The following CCDC171 variants were observed in gnomAD, a reference collection of about 807,000 sequenced individuals.
CCDC171 encodes the protein coiled-coil domain containing 171, also known as coiled-coil domain-containing protein 171.
In CCDC171, 177 loss-of-function variants were observed where a neutral mutation model predicts 168.2. The ratio of observed to expected loss-of-function variants is 1.05; its 90% CI spans 0.93 to 1.19. The LOEUF is 1.19. Among genes scored for constraint, CCDC171 ranks in the 50% most tolerant of loss-of-function variants. CCDC171 has a pLI of 0.00. For missense variants in CCDC171, 1,991 were observed against 1,539.0 expected, an observed-to-expected ratio of 1.29 and a Z score of -4.91; for synonymous variants, 687 against 540.8, an observed-to-expected ratio of 1.27 and a Z score of -3.75.
At chr9:15,939,210 T>TATATGGTATTA (rs1325787397) in intron 25 of CCDC171, among the ~76,000 whole-genome samples, 1 of 151,696 alleles carries the variant, frequency 6.6e-6, no homozygotes, top group Non-Finnish European at 1.5e-5. Context: ...ATAAATATTC[T>TATATGGTATTA]CACTATTTCA....
intron 25 of CCDC171, among the ~76,000 whole-genome samples, chr9:15,965,678 G>C (rs1830721107): frequency 6.9e-6 from 1 of 144,376 alleles, no homozygotes; most frequent in South Asian, 2.4e-4. Context: ...TTTGAGAAGA[G>C]TGAAAAAGAG....
intron 21 of CCDC171, among the ~76,000 whole-genome samples, chr9:15,822,668 TAAA>T (rs1256030766): frequency 6.6e-6 from 1 of 152,086 alleles, no homozygotes; most frequent in Non-Finnish European, 1.5e-5. Context: ...TGGCGATCAT[TAAA>T]AAGTCAGGAA....
At chr9:15,733,121 G>C (rs1422596896) in intron 16 of CCDC171, among the ~76,000 whole-genome samples, 1 of 151,976 alleles carries the variant, frequency 6.6e-6, no homozygotes, top group Non-Finnish European at 1.5e-5. Context: ...TTTTTGGTGA[G>C]TTATCTGTTC....
chr9:15,558,925 A>G (rs2039039474), intron 1 of CCDC171, among the ~76,000 whole-genome samples: 1 of 152,016 alleles, frequency 6.6e-6, no homozygotes, highest in Non-Finnish European at 1.5e-5. Context: ...AGATTCTGGT[A>G]TGTTGTGTCT....
chr9:15,622,449 T>C (rs2044582721), intron 6 of CCDC171, among the ~76,000 whole-genome samples: 1 of 152,184 alleles, frequency 6.6e-6, no homozygotes, highest in Non-Finnish European at 1.5e-5. Flanking sequence ...TCTAATGGTA[T>C]CTTTTGAGTG....
chr9:16,083,297 A>C, the CCDC171 span, among the ~76,000 whole-genome samples: 1 of 152,166 alleles, frequency 6.6e-6, no homozygotes, highest in Non-Finnish European at 1.5e-5. Flanking sequence ...GTTGAACCAC[A>C]CAACTCAGGG....
In CCDC171 at chr9:15,564,037, G is replaced by C; in HGVS notation, c.-52G>C. 1 of 1,434,342 alleles carries C rather than the reference G, an allele frequency of 7.0e-7. No individual in the cohort carries two copies. The highest frequency in any genetic ancestry group is 1.2e-5 in the South Asian group (1 of 84,230). 88.9% of individuals were successfully genotyped at this position (1,434,342 alleles called of 1,614,324 possible). On this transcript the variant is annotated 5_prime_UTR_variant, in exon 2 of 26. Transcript: ENST00000380701. ...TTGGGCAATTTTAATCATCAAGAAAGAAATATGTCATTAAGAAATAGCAGG... is the reference window on the plus strand; with the variant it reads ...TTGGGCAATTTTAATCATCAAGAAACAAATATGTCATTAAGAAATAGCAGG...
chr9:16,066,243 C>T (rs1305002582), downstream of CCDC171, among the ~76,000 whole-genome samples: 2 of 152,154 alleles, frequency 1.3e-5, no homozygotes, highest in Non-Finnish European at 2.9e-5. Flanking sequence ...GTGAGCATTG[C>T]CCCTACCTGT....
chr9:15,616,691 T>C (rs545704828), intron 6 of CCDC171, among the ~76,000 whole-genome samples: 2 of 152,144 alleles, frequency 1.3e-5, no homozygotes, highest in African/African-American at 2.4e-5. Context: ...ACTGGGGCTA[T>C]TGAGTGATTG....
At position 15,876,417 on chromosome 9, in the gene CCDC171, G is replaced by A. The variant is rs150347315; in HGVS notation, c.3600+1754G>A. Reference sequence around the variant, plus strand: ...CTTATTTAATTCTCACAATGAGCCTGTCAAATAAATGGCACTATCTCCATT... The same window carrying A: ...CTTATTTAATTCTCACAATGAGCCTATCAAATAAATGGCACTATCTCCATT... On this transcript the variant is annotated intron_variant, in intron 24 of 25. Coordinates refer to ENST00000380701, the MANE Select transcript of CCDC171 (RefSeq NM_173550.4). Among the ~76,000 whole-genome samples the A allele has an allele frequency of 7.9e-5, 12 of 152,162 alleles. No individual in the cohort carries two copies. In the East Asian group the frequency reaches 2.3e-3, roughly 29 times the overall value.
At chr9:16,040,312 G>A (rs1222306022), upstream of CCDC171, among the ~76,000 whole-genome samples, 3 of 152,188 alleles carry the variant, frequency 2.0e-5, no homozygotes, top group Admixed American at 6.5e-5. Context: ...CCCCAGTGAA[G>A]GGATTCTGCA....
At chr9:15,638,569 T>A (rs2046368592) in intron 7 of CCDC171, among the ~76,000 whole-genome samples, 2 of 152,210 alleles carry the variant, frequency 1.3e-5, no homozygotes, top group African/African-American at 4.8e-5. Flanking sequence ...AATAGACATT[T>A]AGCCTAATGA....
chr9:16,083,914 G>A, the CCDC171 span, among the ~76,000 whole-genome samples: 1 of 152,110 alleles, frequency 6.6e-6, no homozygotes, highest in Non-Finnish European at 1.5e-5. Context: ...CCTCCCTTTG[G>A]TGATCTCACC....
the CCDC171 span, among the ~76,000 whole-genome samples, chr9:16,085,409 T>C: frequency 1.3e-5 from 2 of 152,212 alleles, no homozygotes; most frequent in African/African-American, 4.8e-5. Context: ...CAAATGCCTG[T>C]CCTGAAGTCA....
chr9:15,860,894 G>C (rs1338480712), intron 23 of CCDC171, among the ~76,000 whole-genome samples: 1 of 147,468 alleles, frequency 6.8e-6, no homozygotes, highest in African/African-American at 2.6e-5. Flanking sequence ...CTTCAGTTCT[G>C]CCAATGTTTG....
At chr9:15,735,946 G>A (rs562472123) in intron 16 of CCDC171, among the ~76,000 whole-genome samples, 2 of 152,234 alleles carry the variant, frequency 1.3e-5, no homozygotes, top group East Asian at 3.9e-4. Context: ...TTGGCGTGGT[G>A]CTTGATATAA....
At chr9:15,628,956 A>C (rs200673010) in intron 7 of CCDC171, among the ~76,000 whole-genome samples, 1 of 152,198 alleles carries the variant, frequency 6.6e-6, no homozygotes, top group Non-Finnish European at 1.5e-5. Flanking sequence ...TCCAGCAGAC[A>C]TGCAGCTGAG....
chr9:15,779,042 C>G lies in CCDC171; in HGVS notation c.2973C>G (p.Arg991=). Residue 991 remains arginine, a synonymous_variant, in exon 20 of 26, where the codon CGC becomes CGG. Transcript: ENST00000380701. The part of the protein sequence containing the change: ...QRLHAAEVER[R]SLRLEVTEFK... ...TGCATGCTGCAGAAGTGGAGCGCCG[C>G]TCACTACGCTTAGAGGTCACAGAAT... 6.2e-7 allele frequency: 1 copy of G among 1,604,050 alleles called. No individual in the cohort carries two copies. The highest frequency in any genetic ancestry group is 8.5e-7 in the Non-Finnish European group (1 of 1,175,584).
rs529539779 is a variant in CCDC171 at position 15,738,867 on chromosome 9, A to G, written c.2050-5406A>G. Among the ~76,000 whole-genome samples the G allele has an allele frequency of 4.0e-5, 6 of 151,880 alleles. No individual in the cohort carries two copies. The South Asian group carries it at 1.3e-3, about 32-fold the overall frequency. ...GCCTTTACACTCTAAAGCTTTTTTC[A>G]TTAATTGGGCATTTATTCAGTGTCT... On this transcript the variant is annotated intron_variant, in intron 16 of 25. Transcript: ENST00000380701.
Sources: allele counts gnomAD v4.1 joint callset (sites outside exome capture counted in the v4.1 genomes callset), GRCh38; gene constraint gnomAD v4.1.1; transcripts MANE v1.5; gene names NCBI Gene and HGNC (gene_info 2026-07-23, HGNC 2026-07-21).